Variants in ARPP19 observed in about 807,000 individuals in gnomAD.
ARPP19 encodes the protein cAMP-regulated phosphoprotein 19.
Under a neutral mutation model 12.0 loss-of-function variants are expected in ARPP19, and 8 were observed. That is an observed-to-expected ratio of 0.67 (90% CI 0.39 to 1.21). The LOEUF is 1.21. Among genes scored for constraint, ARPP19 ranks in the 50% most tolerant of loss-of-function variants. The pLI, the probability that ARPP19 is intolerant of heterozygous loss-of-function variation, is 0.01. For synonymous variants in ARPP19, 47 were observed against 50.4 expected, an observed-to-expected ratio of 0.93 and a Z score of 0.29; for missense variants, 102 against 136.3, an observed-to-expected ratio of 0.75 and a Z score of 1.25.
intron 2 of ARPP19, among the ~76,000 whole-genome samples, chr15:52,553,697 GA>G (rs1005542473): frequency 1.8e-5 from 2 of 109,866 alleles, no homozygotes; most frequent in Non-Finnish European, 4.8e-5. Flanking sequence ...GACAAAGGGT[GA>G]AGGGGAAGAA....
At chr15:52,560,069 T>C (rs1311725888) in intron 1 of ARPP19, among the ~76,000 whole-genome samples, 1 of 152,198 alleles carries the variant, frequency 6.6e-6, no homozygotes, top group Non-Finnish European at 1.5e-5. Flanking sequence ...TAAAGGAAAA[T>C]TGTATGTAGG....
rs549062725 is a variant in ARPP19 at position 52,547,892 on chromosome 15, G to A, written c.*4042C>T. The A allele has an allele frequency of 3.3e-5, 5 of 152,292 alleles. No individual in the cohort carries two copies. The highest frequency in any genetic ancestry group is 9.6e-5 in the African/African-American group (4 of 41,564). The allele number at this position is 152,292 out of a possible 1,614,324, so 9.4% of individuals were successfully genotyped here. ...TACAATTTAATGAGTGCCATCAATG[G>A]GCTTAAGAAATAAGCAGGGATGGGG... On this transcript the variant is annotated 3_prime_UTR_variant, in exon 3 of 3. Transcript: ENST00000249822.
intron 1 of ARPP19, among the ~76,000 whole-genome samples, chr15:52,564,490 A>G (rs1237585307): frequency 6.6e-6 from 1 of 151,998 alleles, no homozygotes; most frequent in African/African-American, 2.4e-5. Context: ...ACCAATATGA[A>G]CTCCTATTTT....
At chr15:52,569,063 G>T (rs987772137), upstream of ARPP19, 1 of 582,796 alleles carries the variant, frequency 1.7e-6, no homozygotes, top group South Asian at 2.1e-5. Flanking sequence ...CGCTGGCCAA[G>T]GCCCTCGCAC....
chr15:52,548,001 A>T lies in ARPP19; in HGVS notation c.*3933T>A, dbSNP rs1408021295. On this transcript the variant is annotated 3_prime_UTR_variant, in exon 3 of 3. Transcript: ENST00000249822. ...TTGGAGAATGTGAAAAGGCCACCAA[A>T]CTGCTTTAGTTATCACTCAGAAGTG... 1 of 152,028 alleles carries T rather than the reference A, an allele frequency of 6.6e-6. No individual in the cohort carries two copies. Among genetic ancestry groups the T allele is most frequent in the Non-Finnish European group, 1.5e-5 (1 of 67,976 alleles). 9.4% of individuals were successfully genotyped at this position (152,028 alleles called of 1,614,324 possible). A position where few individuals can be genotyped will look rare whatever the true frequency, so the allele number is the denominator to read the frequency against.
At position 52,547,616 on chromosome 15, in the gene ARPP19, G is replaced by A. The variant is rs62023329; in HGVS notation, c.*4318C>T. ...TGAAACTTAGTAAAACCGTATTAAA[G>A]TCAGTGTTTTTATTCTTAGATTAAC... On this transcript the variant is annotated 3_prime_UTR_variant, in exon 3 of 3. Transcript: ENST00000249822. 3.9e-5 allele frequency: 6 copies of A among 152,184 alleles called. No individual in the cohort carries two copies. Among genetic ancestry groups the A allele is most frequent in the Non-Finnish European group, 8.8e-5 (6 of 68,040 alleles). The allele number at this position is 152,184 out of a possible 1,614,324, so 9.4% of individuals were successfully genotyped here.
rs1347784979 is a variant in ARPP19, at chr15:52,549,514, G to A, written c.*2420C>T. The A allele has an allele frequency of 6.6e-6, 1 of 152,532 alleles. No individual in the cohort carries two copies. Among genetic ancestry groups the A allele is most frequent in the Non-Finnish European group, 1.5e-5 (1 of 68,022 alleles). The allele number at this position is 152,532 out of a possible 1,614,324, so 9.4% of individuals were successfully genotyped here. A position where few individuals can be genotyped will look rare whatever the true frequency, so the allele number is the denominator to read the frequency against. On this transcript the variant is annotated 3_prime_UTR_variant, in exon 3 of 3. Transcript: ENST00000249822. The stretch of plus-strand genomic sequence containing the variant: ...ACAGAAGGCAGGTTGGCTTAATGAG[G>A]AAATTTACTTTTAATAAAAAGACAA...
At chr15:52,554,111 T>C (rs2077960228) in intron 2 of ARPP19, among the ~76,000 whole-genome samples, 1 of 152,176 alleles carries the variant, frequency 6.6e-6, no homozygotes, top group Non-Finnish European at 1.5e-5. Context: ...GCCTGCCAAA[T>C]TTCTTATTTT....
At chr15:52,553,054 G>T (rs1247785022) in intron 2 of ARPP19, among the ~76,000 whole-genome samples, 3 of 152,066 alleles carry the variant, frequency 2.0e-5, no homozygotes, top group Non-Finnish European at 4.4e-5. Flanking sequence ...TCCAGCCTGG[G>T]CGACAGAGCA....
intron 1 of ARPP19, among the ~76,000 whole-genome samples, chr15:52,558,482 A>AAAAAAAAAAAAAAAAAAAAAG (rs559673591): frequency 3.4e-5 from 5 of 148,976 alleles, no homozygotes; most frequent in Non-Finnish European, 4.5e-5. Flanking sequence ...AAAAAAAAAA[A>AAAAAAAAAAAAAAAAAAAAAG]AAAGAAAGAA....
chr15:52,552,407 T>C (rs1359483443), intron 2 of ARPP19, among the ~76,000 whole-genome samples: 1 of 147,978 alleles, frequency 6.8e-6, no homozygotes, highest in Non-Finnish European at 1.5e-5. Flanking sequence ...CTGTCTCTAC[T>C]AAAAAAAAAC....
At position 52,549,853 on chromosome 15, in the gene ARPP19, C is replaced by T. The variant is rs1300188626; in HGVS notation, c.*2081G>A. On this transcript the variant is annotated 3_prime_UTR_variant, in exon 3 of 3. Coordinates refer to ENST00000249822, the MANE Select transcript of ARPP19 (RefSeq NM_006628.6). ...ATTCTATAATGAGTATATACTTGCTCTCATTACAAATATATATATATAACT... is the reference window on the plus strand; with the variant it reads ...ATTCTATAATGAGTATATACTTGCTTTCATTACAAATATATATATATAACT... 2 of 150,058 alleles carry T rather than the reference C, an allele frequency of 1.3e-5. No individual in the cohort carries two copies. Among genetic ancestry groups the T allele is most frequent in the Non-Finnish European group, 3.0e-5 (2 of 67,282 alleles). 9.3% of individuals were successfully genotyped at this position (150,058 alleles called of 1,614,324 possible). A position where few individuals can be genotyped will look rare whatever the true frequency, so the allele number is the denominator to read the frequency against.
At chr15:52,561,883 A>G (rs2078036053) in intron 1 of ARPP19, among the ~76,000 whole-genome samples, 1 of 151,572 alleles carries the variant, frequency 6.6e-6, no homozygotes, top group Non-Finnish European at 1.5e-5. Flanking sequence ...GGTGGTGGTA[A>G]CATACCAGGC....
rs1219261928 is a variant in ARPP19 at position 52,549,431 on chromosome 15, A to G, written c.*2503T>C. The G allele has an allele frequency of 6.6e-6, 1 of 152,644 alleles. No individual in the cohort carries two copies. Among genetic ancestry groups the G allele is most frequent in the Non-Finnish European group, 1.5e-5 (1 of 68,038 alleles). The allele number at this position is 152,644 out of a possible 1,614,324, so 9.5% of individuals were successfully genotyped here. On this transcript the variant is annotated 3_prime_UTR_variant, in exon 3 of 3. Transcript: ENST00000249822. ...TGGAGGCTAAGCAATTATACCTACA[A>G]ATCCTTAACGACAGGTCTCTCCTAA...
rs1221952426 is a variant in ARPP19 at position 52,549,470 on chromosome 15, G to T, written c.*2464C>A. ...GGTCTCTCCTAATGAAAAATCCTGAGATTTAAGCACTGTGACTTACAGAAG... is the reference window on the plus strand; with the variant it reads ...GGTCTCTCCTAATGAAAAATCCTGATATTTAAGCACTGTGACTTACAGAAG... On this transcript the variant is annotated 3_prime_UTR_variant, in exon 3 of 3. Transcript: ENST00000249822. 6.6e-6 allele frequency: 1 copy of T among 152,542 alleles called. No homozygotes were observed. The highest frequency in any genetic ancestry group is 1.5e-5 in the Non-Finnish European group (1 of 68,032). The allele number at this position is 152,542 out of a possible 1,614,324, so 9.4% of individuals were successfully genotyped here. A position where few individuals can be genotyped will look rare whatever the true frequency, so the allele number is the denominator to read the frequency against.
chr15:52,554,488 G>A (rs1055979223), intron 2 of ARPP19, among the ~76,000 whole-genome samples: 3 of 152,116 alleles, frequency 2.0e-5, no homozygotes, highest in Admixed American at 6.5e-5. Context: ...AGATAACAAC[G>A]ATGATGATAT....
In ARPP19 at chr15:52,568,988, G is replaced by GC; in HGVS notation, c.-97dup. ...GCCCGTCCCAGCTCTCCCAGGGCCC[G>GC]CCGGGCCGCCTCCGCCCGCGAAAAT... On this transcript the variant is annotated 5_prime_UTR_variant, in exon 1 of 3. Transcript: ENST00000249822. 1 of 885,576 alleles carries GC rather than the reference G, an allele frequency of 1.1e-6. No individual in the cohort carries two copies. The highest frequency in any genetic ancestry group is 1.6e-5 in the South Asian group (1 of 62,436). The allele number at this position is 885,576 out of a possible 1,614,324, so 54.9% of individuals were successfully genotyped here.
At position 52,551,264 on chromosome 15, in the gene ARPP19, A is replaced by T. The variant is rs2141718552; in HGVS notation, c.*670T>A. Reference sequence around the variant, plus strand: ...AACAGTTAATGCACATGCATACTTCATTCACATCTTCAACAACAAAAGGTA... The same window carrying T: ...AACAGTTAATGCACATGCATACTTCTTTCACATCTTCAACAACAAAAGGTA... On this transcript the variant is annotated 3_prime_UTR_variant, in exon 3 of 3. Transcript: ENST00000249822. The T allele has an allele frequency of 6.5e-6, 1 of 152,832 alleles. No homozygotes were observed. The highest frequency in any genetic ancestry group is 2.1e-4 in the South Asian group (1 of 4,832). 9.5% of individuals were successfully genotyped at this position (152,832 alleles called of 1,614,324 possible). A position where few individuals can be genotyped will look rare whatever the true frequency, so the allele number is the denominator to read the frequency against.
Position 52,547,267 on chromosome 15 carries a change from A to C in ARPP19, c.*4667T>G, listed in dbSNP as rs527693126. ...AATTAGGTAGATCCATTTATTTTTT[A>C]AATACAAGTATAATTTTGGAAGGGG... On this transcript the variant is annotated 3_prime_UTR_variant, in exon 3 of 3. Transcript: ENST00000249822. The C allele has an allele frequency of 6.6e-6, 1 of 152,356 alleles. No individual in the cohort carries two copies. Among genetic ancestry groups the C allele is most frequent in the Admixed American group, 6.5e-5 (1 of 15,302 alleles). 9.4% of individuals were successfully genotyped at this position (152,356 alleles called of 1,614,324 possible). A position where few individuals can be genotyped will look rare whatever the true frequency, so the allele number is the denominator to read the frequency against.
Sources: gnomAD v4.1 joint callset for allele counts (sites outside exome capture counted in the v4.1 genomes callset) on GRCh38, gnomAD v4.1.1 for gene constraint, MANE v1.5 for transcripts, NCBI Gene and HGNC (gene_info 2026-07-23, HGNC 2026-07-21) for gene names.